Variants in USP36 observed in about 807,000 individuals in gnomAD.
The protein encoded by USP36 is ubiquitin carboxyl-terminal hydrolase 36.
A neutral mutation model predicts 111.5 loss-of-function variants in USP36; 59 were observed. That is an observed-to-expected ratio of 0.53 (90% CI 0.43 to 0.66). USP36 has a LOEUF of 0.66. USP36 is among the 30% of genes least tolerant of loss of function. The pLI is 0.00. For missense variants in USP36, 1,488 were observed against 1,468.0 expected, an observed-to-expected ratio of 1.01 and a Z score of -0.22; for synonymous variants, 628 against 581.0, an observed-to-expected ratio of 1.08 and a Z score of -1.16.
In USP36 at chr17:78,806,932, G is replaced by A. The variant is rs2093918068; in HGVS notation, c.2085+27C>T. The A allele has an allele frequency of 3.1e-6, 5 of 1,608,824 alleles. No individual in the cohort carries two copies. The East Asian group carries it at 1.1e-4, about 36-fold the overall frequency. On this transcript the variant is annotated intron_variant, in intron 14 of 20. Coordinates refer to ENST00000449938, the MANE Select transcript of USP36 (RefSeq NM_001385174.1). ...ACTCTTGGAGCTCTCCTGATACACAGCAGCGGCGAGACCCCCACACACCCA... is the reference window on the plus strand; with the variant it reads ...ACTCTTGGAGCTCTCCTGATACACAACAGCGGCGAGACCCCCACACACCCA...
chr17:78,800,056 C>G lies in USP36; in HGVS notation c.3023-288G>C, dbSNP rs528915593. The stretch of plus-strand genomic sequence containing the variant: ...GCTTACATGCTTAATTTACTAATGA[C>G]CTGACACAATAGAGAAGGCTGTTGT... On this transcript the variant is annotated intron_variant, in intron 17 of 20. Transcript: ENST00000449938. 6.0e-5 allele frequency among the ~76,000 whole-genome samples: 9 copies of G among 151,058 alleles called. No homozygotes were observed. The East Asian group carries it at 1.7e-3, about 29-fold the overall frequency.
At chr17:78,804,508 A>G (rs1374960304) in intron 15 of USP36, among the ~76,000 whole-genome samples, 2 of 130,936 alleles carry the variant, frequency 1.5e-5, no homozygotes, top group African/African-American at 5.6e-5. Context: ...AAAAAAAAAA[A>G]CAAAGTTACC....
In USP36 at chr17:78,836,384, A is replaced by G; in HGVS notation, c.-9-12T>C. On this transcript the variant is annotated splice_polypyrimidine_tract_variant and intron_variant, in intron 2 of 20. Coordinates refer to ENST00000449938, the MANE Select transcript of USP36 (RefSeq NM_001385174.1). ...GGCATGGTGCATCACTGTGGGGACA[A>G]GAAGAAACATAGAGCCATAGATAAC... 4.3e-6 allele frequency: 7 copies of G among 1,611,362 alleles called. No individual in the cohort carries two copies. The highest frequency in any genetic ancestry group is 5.9e-6 in the Non-Finnish European group (7 of 1,178,378).
At chr17:78,833,259 C>G (rs1244561838) in intron 4 of USP36, among the ~76,000 whole-genome samples, 1 of 152,170 alleles carries the variant, frequency 6.6e-6, no homozygotes, top group Non-Finnish European at 1.5e-5. Flanking sequence ...AAACACTTCC[C>G]ACTGCATGGC....
At chr17:78,836,067 C>T (rs755339117) in intron 3 of USP36, 44 bp downstream of exon 3, 4 of 1,601,140 alleles carry the variant, frequency 2.5e-6, no homozygotes, top group Non-Finnish European at 3.4e-6. Context: ...CACTTCGTCA[C>T]CCCGGAGTGA....
chr17:78,820,061 C>T, intron 8 of USP36, 49 bp from the exon 9 acceptor site: 3 of 1,589,190 alleles, frequency 1.9e-6, no homozygotes, highest in Non-Finnish European at 2.6e-6. Flanking sequence ...AGGAAAAAGG[C>T]TGATTCAAGA....
intron 13 of USP36, among the ~76,000 whole-genome samples, chr17:78,808,062 T>G (rs2093956518): frequency 6.6e-6 from 1 of 152,194 alleles, no homozygotes; most frequent in South Asian, 2.1e-4. Context: ...CATCAAGATT[T>G]GGGAAGAGAA....
At chr17:78,840,958 C>T (rs944566838), upstream of USP36, 1 of 152,346 alleles carries the variant, frequency 6.6e-6, no homozygotes, top group African/African-American at 2.4e-5. Context: ...CCGCCCACCG[C>T]CGCTTCCGTG....
intron 7 of USP36, chr17:78,821,387 A>AATATATATATATATAT (rs1174218979): frequency 2.6e-4 from 14 of 54,778 alleles, no homozygotes; most frequent in East Asian, 5.0e-4. Flanking sequence ...TCCTAATGAG[A>AATATATATATATATAT]ATATATATAT....
At chr17:78,839,985 C>T (rs2069103073) in intron 1 of USP36, among the ~76,000 whole-genome samples, 2 of 152,244 alleles carry the variant, frequency 1.3e-5, no homozygotes, top group South Asian at 4.1e-4. Context: ...GCAACGGACG[C>T]TCGCAGGGTC....
chr17:78,804,417 G>A (rs568301231), intron 15 of USP36, among the ~76,000 whole-genome samples: 269 of 143,400 alleles, frequency 1.9e-3, no homozygotes, highest in African/African-American at 6.4e-3. Context: ...GCCGAATCGC[G>A]CCACTGCACT....
At position 78,802,403 on chromosome 17, in the gene USP36, G is replaced by C. The variant is rs2093775711; in HGVS notation, c.2943C>G (p.Ala981=). ...CGGGGACAACAGCATCTTGGGGCTT[G>C]GCACTCCTTGGGCATTTGAGATGCC... ...EDGHLKCPRS[A]KPQDAVVPES... Residue 981 remains alanine, a synonymous_variant, in exon 17 of 21, where the codon GCC becomes GCG. Transcript: ENST00000449938. The C allele has an allele frequency of 6.2e-7, 1 of 1,611,224 alleles. No individual in the cohort carries two copies. Among genetic ancestry groups the C allele is most frequent in the Non-Finnish European group, 8.5e-7 (1 of 1,179,056 alleles).
At chr17:78,794,530 T>TGCCGGTGGGACTCTGCCCGCC (rs1461201014), downstream of USP36, among the ~76,000 whole-genome samples, 16 of 152,334 alleles carry the variant, frequency 1.1e-4, no homozygotes, top group Non-Finnish European at 2.1e-4. Context: ...CCGTCAGTCC[T>TGCCGGTGGGACTCTGCCCGCC]GCCGGTGGGA....
In USP36 at chr17:78,827,343, G is replaced by T. The variant is rs143701541; in HGVS notation, c.591C>A (p.Ile197=). The T allele has an allele frequency of 0.027, 43,231 of 1,611,034 alleles. 680 individuals are homozygous for T. Among genetic ancestry groups the T allele is most frequent in the Middle Eastern group, 0.038 (229 of 6,048 alleles). ...PVSFIRDLKK[I]ARHFRFGNQE... ...GGTTCCCAAAGCGGAAGTGTCGGGC[G>T]ATCTCTAAAAGAGGAAGAAACAGGG... The change falls in exon 6 of 21, where the codon ATC becomes ATA. Residue 197 remains isoleucine (I), a synonymous_variant. Coordinates refer to ENST00000449938, the MANE Select transcript of USP36 (RefSeq NM_001385174.1).
chr17:78,789,749 C>T (rs368898881), intron 3 of USP36, among the ~76,000 whole-genome samples: 11 of 152,348 alleles, frequency 7.2e-5, no homozygotes, highest in East Asian at 3.9e-4. Context: ...CCACGTGCCA[C>T]GGTTTGGGCG....
At chr17:78,834,945 C>A (rs116463176) in intron 4 of USP36, among the ~76,000 whole-genome samples, 168 of 150,680 alleles carry the variant, frequency 1.1e-3, no homozygotes, top group African/African-American at 3.6e-3. Context: ...GGAGCCACTG[C>A]ATTCCAGCCT....
At position 78,798,774 on chromosome 17, in the gene USP36, ACAGGCCTGGG is replaced by A; in HGVS notation, c.3240+124_3240+133del. 1 of 1,258,276 alleles carries A rather than the reference ACAGGCCTGGG, an allele frequency of 7.9e-7. No homozygotes were observed. The highest frequency in any genetic ancestry group is 1.1e-6 in the Non-Finnish European group (1 of 887,128). The allele number at this position is 1,258,276 out of a possible 1,614,324, so 77.9% of individuals were successfully genotyped here. ...GCCCTGTCCATGGCCACACGCCCGGACAGGCCTGGGCAGCCTGGCTCTTCTCATGCTCGGC... is the reference window on the plus strand; with the variant it reads ...GCCCTGTCCATGGCCACACGCCCGGACAGCCTGGCTCTTCTCATGCTCGGC... On this transcript the variant is annotated intron_variant, in intron 19 of 20. Transcript: ENST00000449938. The surrounding 1 kb of genome is among the most constrained non-coding windows in gnomAD (Gnocchi z 5.1).
At chr17:78,820,620 G>T (rs2094296258) in intron 8 of USP36, among the ~76,000 whole-genome samples, 1 of 152,210 alleles carries the variant, frequency 6.6e-6, no homozygotes, top group African/African-American at 2.4e-5. Context: ...TGTAGCTGCA[G>T]CAGGATGTGC....
In USP36 at chr17:78,802,218, G is replaced by GC. The variant is rs1310452726; in HGVS notation, c.3022+105dup. The GC allele has an allele frequency of 1.3e-5, 11 of 819,362 alleles. No homozygotes were observed. The African/African-American group carries it at 2.5e-4, about 19-fold the overall frequency. The allele number at this position is 819,362 out of a possible 1,614,324, so 50.8% of individuals were successfully genotyped here. ...CGGTCCAACCCCTCGCCCAGTGCACGCCCATGCGGTCCCCCAACCCCTCGC... is the reference window on the plus strand; with the variant it reads ...CGGTCCAACCCCTCGCCCAGTGCACGCCCCATGCGGTCCCCCAACCCCTCGC... On this transcript the variant is annotated intron_variant, in intron 17 of 20. Transcript: ENST00000449938.
Sources: allele counts gnomAD v4.1 joint callset (sites outside exome capture counted in the v4.1 genomes callset), GRCh38; gene constraint gnomAD v4.1.1; non-coding constraint Gnocchi (gnomAD v3.1); transcripts MANE v1.5; gene names NCBI Gene and HGNC (gene_info 2026-07-23, HGNC 2026-07-21).